The following DMD variants were observed in gnomAD, a reference collection of about 807,000 sequenced individuals.
The protein encoded by DMD is dystrophin.
A neutral mutation model predicts 330.1 loss-of-function variants in DMD; 63 were observed. That is an observed-to-expected ratio of 0.19 (90% confidence interval 0.16 to 0.24). DMD has a LOEUF of 0.24. Among genes scored for constraint, DMD ranks in the 10% least tolerant of loss-of-function variants. DMD has a pLI of 1.00. For missense variants in DMD, 3,344 were observed against 2,684.1 expected (o/e 1.25, Z -5.43); for synonymous variants, 1,223 against 959.8 (o/e 1.27, Z -5.07).
chrX:32,069,384 T>G (rs548617741), intron 44 of DMD, among the ~76,000 whole-genome samples: 1 of 111,758 alleles, frequency 8.9e-6, no homozygotes, highest in Admixed American at 9.5e-5. Flanking sequence ...ATAATTATTT[T>G]ATAGGTAAAA....
At position 32,315,937 on chromosome X, in the gene DMD, A is replaced by C. The variant is rs753294401; in HGVS notation, c.5923-5661T>G. Among the ~76,000 whole-genome samples, 7 of 111,951 alleles carry C rather than the reference A, an allele frequency of 6.3e-5. No homozygotes were observed. In the East Asian group the frequency reaches 2.0e-3, roughly 32 times the overall value. On this transcript the variant is annotated intron_variant, in intron 41 of 78. Coordinates refer to ENST00000357033, the MANE Select transcript of DMD (RefSeq NM_004006.3). Reference sequence around the variant, plus strand: ...GAAAATTTTAGATACCTAAGTGACAAATAATTGTAATTCTGTATCTGGTTC... The same window carrying C: ...GAAAATTTTAGATACCTAAGTGACACATAATTGTAATTCTGTATCTGGTTC...
chrX:32,954,934 G>T (rs1464877437), intron 2 of DMD, among the ~76,000 whole-genome samples: 1 of 112,143 alleles, frequency 8.9e-6, no homozygotes, highest in African/African-American at 3.2e-5. Flanking sequence ...GCTTTATCCA[G>T]TCTATCATTG....
At chrX:31,252,440 T>C (rs1442877797) in intron 63 of DMD, among the ~76,000 whole-genome samples, 1 of 111,909 alleles carries the variant, frequency 8.9e-6, no homozygotes, top group Non-Finnish European at 1.9e-5. Flanking sequence ...TCTACCATAG[T>C]GAGTATAAAT....
At chrX:32,673,056 CATGTGCGTGTGTGTGT>C (rs1356826235) in intron 9 of DMD, among the ~76,000 whole-genome samples, 2 of 111,036 alleles carry the variant, frequency 1.8e-5, no homozygotes, top group African/African-American at 3.3e-5. Flanking sequence ...TATGTGTGTG[CATGTGCGTGTGTGTGT>C]CTGCATATTT....
rs3833413 is a variant in DMD, at chrX:31,121,438, GTGTA to G, written c.*477_*480del. ...CTGCCTCAAAGTTTTGTGTGTGTGT[GTGTA>G]TGTGTGTGTGTGTGTGTTTGTTTTG... On this transcript the variant is annotated 3_prime_UTR_variant, in exon 79 of 79. Transcript: ENST00000357033. 8.9e-4 allele frequency: 114 copies of G among 128,785 alleles called. No individual in the cohort carries two copies. In the South Asian group the frequency reaches 0.022, roughly 25 times the overall value. The allele number at this position is 128,785 out of a possible 1,213,427, so 10.6% of individuals were successfully genotyped here.
chrX:32,444,084 T>C (rs1603633607), intron 27 of DMD, among the ~76,000 whole-genome samples: 1 of 110,396 alleles, frequency 9.1e-6, no homozygotes, highest in East Asian at 2.9e-4. Context: ...ACATCAAAGC[T>C]GGGGCATTTA....
At chrX:32,375,948 A>G (rs377253942) in intron 34 of DMD, among the ~76,000 whole-genome samples, 1 of 111,532 alleles carries the variant, frequency 9.0e-6, no homozygotes, top group South Asian at 3.7e-4. Flanking sequence ...GCCTATGCCA[A>G]GTTTATAAAG....
At chrX:32,112,168 A>G (rs1321176196) in intron 44 of DMD, among the ~76,000 whole-genome samples, 1 of 111,519 alleles carries the variant, frequency 9.0e-6, no homozygotes, top group African/African-American at 3.3e-5. Context: ...ATTCATTCTA[A>G]TAATTTTTAG....
chrX:32,947,445 T>TA (rs1382574648), intron 2 of DMD, among the ~76,000 whole-genome samples: 1 of 112,194 alleles, frequency 8.9e-6, no homozygotes, highest in East Asian at 2.8e-4. Context: ...AAGACAATTC[T>TA]AATTGCATTT....
intron 62 of DMD, among the ~76,000 whole-genome samples, chrX:31,283,713 G>A (rs1213820975): frequency 8.9e-6 from 1 of 111,829 alleles, no homozygotes; most frequent in East Asian, 2.8e-4. Flanking sequence ...AAAATAAAAA[G>A]ATCTAGCAGA....
intron 60 of DMD, among the ~76,000 whole-genome samples, chrX:31,403,055 A>T (rs1484338784): frequency 8.9e-6 from 1 of 112,225 alleles, no homozygotes; most frequent in African/African-American, 3.2e-5. Flanking sequence ...TGCTAGTATC[A>T]CTAGGAAAAG....
At chrX:32,014,270 G>T (rs1178230424) in intron 44 of DMD, among the ~76,000 whole-genome samples, 1 of 111,159 alleles carries the variant, frequency 9.0e-6, no homozygotes, top group Non-Finnish European at 1.9e-5. Flanking sequence ...TTAAAATGAA[G>T]TTTCAGTTGT....
chrX:31,738,585 A>G (rs1289532245), intron 51 of DMD, among the ~76,000 whole-genome samples: 4 of 112,375 alleles, frequency 3.6e-5, no homozygotes, highest in African/African-American at 1.3e-4. Context: ...TATATACCCA[A>G]AAGAAAATAA....
intron 9 of DMD, among the ~76,000 whole-genome samples, chrX:32,682,671 G>A (rs763699763): frequency 7.2e-5 from 8 of 111,790 alleles, no homozygotes; most frequent in Non-Finnish European, 1.3e-4. Context: ...AGATGTTTCT[G>A]ACAACATAAA....
intron 52 of DMD, among the ~76,000 whole-genome samples, chrX:31,701,795 A>G (rs768294699): frequency 9.8e-5 from 11 of 112,557 alleles, no homozygotes; most frequent in Admixed American, 2.8e-4. Context: ...ATAACTTGTT[A>G]GAAATGCAGA....
chrX:31,330,845 T>C (rs1255678726), intron 61 of DMD, among the ~76,000 whole-genome samples: 1 of 112,020 alleles, frequency 8.9e-6, no homozygotes, highest in Non-Finnish European at 1.9e-5. Flanking sequence ...ACGCATATAG[T>C]TCCTGTAGCA....
chrX:31,758,812 A>G (rs2089340757), intron 51 of DMD, among the ~76,000 whole-genome samples: 1 of 112,164 alleles, frequency 8.9e-6, no homozygotes, highest in African/African-American at 3.2e-5. Context: ...AACGTAAAAT[A>G]CTACTATGAT....
intron 48 of DMD, among the ~76,000 whole-genome samples, chrX:31,873,095 A>C (rs189633757): frequency 9.0e-6 from 1 of 111,277 alleles, no homozygotes. Flanking sequence ...GGCTGTTGTT[A>C]CCCATCCTGT....
At position 33,150,415 on chromosome X, in the gene DMD, T is replaced by A. The variant is rs2048228499; in HGVS notation, c.31+60867A>T. ...TTCAAGGGATTCTCCTGCCTCAGCC[T>A]CCTGAGTAGCTGGGATTACAGATGT... On this transcript the variant is annotated intron_variant, in intron 1 of 78. Coordinates refer to ENST00000357033, the MANE Select transcript of DMD (RefSeq NM_004006.3). 3.7e-5 allele frequency among the ~76,000 whole-genome samples: 4 copies of A among 107,796 alleles called. No homozygotes were observed. In the South Asian group the frequency reaches 1.7e-3, roughly 47 times the overall value. The allele number at this position is 107,796 out of a possible 115,157, so 93.6% of individuals were successfully genotyped here. A position where few individuals can be genotyped will look rare whatever the true frequency, so the allele number is the denominator to read the frequency against.
Sources: allele counts gnomAD v4.1 joint callset (sites outside exome capture counted in the v4.1 genomes callset), GRCh38; gene constraint gnomAD v4.1.1; transcripts MANE v1.5; gene names NCBI Gene and HGNC (gene_info 2026-07-23, HGNC 2026-07-21).